Variants in TCF4 observed in about 807,000 individuals in gnomAD.
The protein encoded by TCF4 is SL3-3 enhancer factor 2.
A neutral mutation model predicts 82.1 loss-of-function variants in TCF4; 3 were observed. The ratio of observed to expected loss-of-function variants is 0.04; its 90% CI spans 0.02 to 0.09. The LOEUF (loss-of-function observed/expected upper bound fraction) is 0.09, where lower values mean the gene tolerates loss of function less well. Ranked by LOEUF, TCF4 falls within the 10% of genes least tolerant of loss-of-function variation. TCF4 has a pLI of 1.00. For synonymous variants in TCF4, 276 were observed against 309.6 expected, an observed-to-expected ratio of 0.89 and a Z score of 1.14; for missense variants, 518 against 852.7, an observed-to-expected ratio of 0.61 and a Z score of 4.89.
intron 14 of TCF4, among the ~76,000 whole-genome samples, chr18:55,256,082 A>G (rs2056747553): frequency 6.6e-6 from 1 of 152,148 alleles, no homozygotes; most frequent in Admixed American, 6.5e-5. Context: ...TAATTTATAA[A>G]TATGGGAATG....
chr18:55,420,397 T>C (rs2146927181), intron 5 of TCF4, among the ~76,000 whole-genome samples: 1 of 152,328 alleles, frequency 6.6e-6, no homozygotes, highest in South Asian at 2.1e-4. Context: ...AATACTCCCT[T>C]TCCCTTCCAC....
At chr18:55,635,176 A>T (rs1413241776) in intron 1 of TCF4, among the ~76,000 whole-genome samples, 11 of 152,198 alleles carry the variant, frequency 7.2e-5, no homozygotes, top group Admixed American at 7.2e-4. Context: ...GCAAAAGATT[A>T]GACAAGAGTC....
chr18:55,380,278 T>A (rs1040293726), intron 6 of TCF4, among the ~76,000 whole-genome samples: 2 of 152,064 alleles, frequency 1.3e-5, no homozygotes, highest in Admixed American at 1.3e-4. Flanking sequence ...CTTTTTTTTT[T>A]TAAATTATAC....
chr18:55,532,921 C>T (rs2097079958), intron 3 of TCF4, among the ~76,000 whole-genome samples: 1 of 152,050 alleles, frequency 6.6e-6, no homozygotes, highest in South Asian at 2.1e-4. Context: ...ACAATAGCTG[C>T]CTTCTTAATA....
chr18:55,488,793 T>C (rs2096545192), intron 3 of TCF4, among the ~76,000 whole-genome samples: 2 of 152,188 alleles, frequency 1.3e-5, no homozygotes, highest in Non-Finnish European at 2.9e-5. Context: ...CTCTGTCTCT[T>C]TGTAATTCAG....
At chr18:55,333,963 C>T (rs1382220915) in intron 8 of TCF4, among the ~76,000 whole-genome samples, 1 of 152,094 alleles carries the variant, frequency 6.6e-6, no homozygotes, top group Non-Finnish European at 1.5e-5. Context: ...GAACTGTGAC[C>T]CCTTTCATGA....
At chr18:55,368,525 CA>C (rs71167292) in intron 6 of TCF4, among the ~76,000 whole-genome samples, 3 of 151,970 alleles carry the variant, frequency 2.0e-5, no homozygotes, top group East Asian at 1.9e-4. Flanking sequence ...AACAAAAAAA[CA>C]AAAAACACAG....
chr18:55,362,410 GAAGGAAGGAAGGAAGGAAGGAAGGAAAA>G (rs1405921325), intron 6 of TCF4, among the ~76,000 whole-genome samples: 84 of 137,418 alleles, frequency 6.1e-4, no homozygotes, highest in African/African-American at 1.3e-3. Context: ...AGGAAGGAAG[GAAGGAAGGAAGGAAGGAAGGAAGGAAAA>G]AAAAAAAGAA....
chr18:55,411,902 G>T (rs915283777), intron 5 of TCF4, among the ~76,000 whole-genome samples: 1 of 151,872 alleles, frequency 6.6e-6, no homozygotes, highest in African/African-American at 2.4e-5. Flanking sequence ...CACCACATCC[G>T]ACTAATTTTT....
At chr18:55,511,726 T>C (rs2096830923) in intron 3 of TCF4, among the ~76,000 whole-genome samples, 1 of 152,136 alleles carries the variant, frequency 6.6e-6, no homozygotes, top group African/African-American at 2.4e-5. Flanking sequence ...CTGATTGAAT[T>C]GCATTTCTCA....
At chr18:55,635,583 C>T in intron 1 of TCF4, 1 of 1,291,070 alleles carries the variant, frequency 7.7e-7, no homozygotes, top group Non-Finnish European at 1.0e-6. Flanking sequence ...GTGGAGATGT[C>T]AGGGAGAGAG....
Position 55,376,075 on chromosome 18 carries a change from G to A in TCF4, c.370-25072C>T, listed in dbSNP as rs113320407. ...TTCACTCTGTCACTCAGTCTTGAAT[G>A]CAGCGGCGGGATCTCAGCTCACTGC... On this transcript the variant is annotated intron_variant, in intron 6 of 19. Transcript: ENST00000354452. 5.2e-3 allele frequency among the ~76,000 whole-genome samples: 673 copies of A among 129,110 alleles called. 4 individuals are homozygous for A. The highest frequency in any genetic ancestry group is 6.8e-3 in the Non-Finnish European group (438 of 64,280). 84.7% of individuals were successfully genotyped at this position (129,110 alleles called of 152,430 possible). A position where few individuals can be genotyped will look rare whatever the true frequency, so the allele number is the denominator to read the frequency against.
intron 15 of TCF4, among the ~76,000 whole-genome samples, chr18:55,252,235 A>G (rs1259929737): frequency 1.3e-5 from 2 of 152,006 alleles, no homozygotes; most frequent in East Asian, 1.9e-4. Context: ...ATGACATGCC[A>G]TATCTTTGGA....
chr18:55,413,445 G>A (rs1321490449), intron 5 of TCF4, among the ~76,000 whole-genome samples: 3 of 152,132 alleles, frequency 2.0e-5, no homozygotes, highest in African/African-American at 7.2e-5. Context: ...ATGTTTTCCA[G>A]CCAAGCCTGC....
At chr18:55,564,327 T>C (rs1359546955) in intron 3 of TCF4, among the ~76,000 whole-genome samples, 2 of 152,158 alleles carry the variant, frequency 1.3e-5, no homozygotes, top group Admixed American at 6.5e-5. Context: ...GAGAAAAACA[T>C]TGAAGCTGGG....
At chr18:55,611,764 T>TTTTA (rs776042753) in intron 2 of TCF4, among the ~76,000 whole-genome samples, 80 of 152,198 alleles carry the variant, frequency 5.3e-4, no homozygotes, top group Middle Eastern at 3.4e-3. Context: ...GTAAAAATAT[T>TTTTA]TTTATTTATT....
chr18:55,587,691 C>G (rs2097664008), intron 1 of TCF4, among the ~76,000 whole-genome samples: 1 of 151,796 alleles, frequency 6.6e-6, no homozygotes. Flanking sequence ...GAAAACACGT[C>G]CAAAGGGGGA....
intron 8 of TCF4, among the ~76,000 whole-genome samples, chr18:55,297,170 T>TTTTTTTTTTTA (rs1555836667): frequency 1.0e-5 from 1 of 97,982 alleles, no homozygotes; most frequent in African/African-American, 4.3e-5. Context: ...TTTTTTTTTT[T>TTTTTTTTTTTA]ATCCCTTAGG....
intron 5 of TCF4, among the ~76,000 whole-genome samples, chr18:55,412,049 T>C (rs1208309278): frequency 6.6e-6 from 1 of 152,152 alleles, no homozygotes; most frequent in African/African-American, 2.4e-5. Context: ...CAGATTTTTT[T>C]TTCTTGCAAA....
Sources: allele counts gnomAD v4.1 joint callset (sites outside exome capture counted in the v4.1 genomes callset), GRCh38; gene constraint gnomAD v4.1.1; transcripts MANE v1.5; gene names NCBI Gene and HGNC (gene_info 2026-07-23, HGNC 2026-07-21).